Variants in APIP observed in about 807,000 individuals in gnomAD.
The protein encoded by APIP is methylthioribulose-1-phosphate dehydratase.
Under a neutral mutation model 32.0 loss-of-function variants are expected in APIP, and 32 were observed. That is an observed-to-expected ratio of 1.00 (90% confidence interval 0.76 to 1.34). APIP has a LOEUF of 1.34. Ranked by LOEUF, APIP falls within the 40% of genes most tolerant of loss-of-function variation. The probability of loss-of-function intolerance (pLI) is 0.00; values close to 1 mark genes in which losing one functional copy is unlikely to be tolerated. For synonymous variants in APIP, 92 were observed against 94.8 expected (o/e 0.97, Z 0.17); for missense variants, 247 against 298.6 (o/e 0.83, Z 1.27).
intron 1 of APIP, among the ~76,000 whole-genome samples, chr11:34,903,152 A>G (rs1453743876): frequency 1.3e-5 from 2 of 152,204 alleles, no homozygotes; most frequent in East Asian, 1.9e-4. Flanking sequence ...ATCTAAATCC[A>G]GCCACCTTCT....
chr11:34,897,625 G>C (rs1853299326), intron 1 of APIP, among the ~76,000 whole-genome samples: 1 of 151,620 alleles, frequency 6.6e-6, no homozygotes, highest in Non-Finnish European at 1.5e-5. Flanking sequence ...CAGAAAAGCA[G>C]CTTAAAGGGC....
intron 2 of APIP, among the ~76,000 whole-genome samples, chr11:34,894,515 C>G (rs2915219): frequency 0.6 from 88,945 of 148,166 alleles, 27,750 homozygotes; most frequent in East Asian, 0.74. Flanking sequence ...CAGGCGTGGT[C>G]GCACATGCCT....
intron 1 of APIP, among the ~76,000 whole-genome samples, chr11:34,901,887 C>G (rs1390878919): frequency 6.6e-6 from 1 of 152,134 alleles, no homozygotes; most frequent in Admixed American, 6.5e-5. Context: ...ACAGTATCCC[C>G]TGAGCCCAGA....
chr11:34,886,629 C>T (rs926952112), intron 5 of APIP, among the ~76,000 whole-genome samples: 2 of 152,228 alleles, frequency 1.3e-5, no homozygotes, highest in Non-Finnish European at 2.9e-5. Context: ...ACTTCCAGTT[C>T]TGCAAGCTCC....
intron 1 of APIP, among the ~76,000 whole-genome samples, chr11:34,913,365 C>G (rs771320183): frequency 2.0e-5 from 3 of 152,182 alleles, no homozygotes; most frequent in Non-Finnish European, 4.4e-5. Flanking sequence ...GTGAGTGTTA[C>G]AGTTCTTAAA....
chr11:34,892,528 GTC>G (rs35936057), intron 2 of APIP, among the ~76,000 whole-genome samples: 91,175 of 151,868 alleles, frequency 0.6, 28,399 homozygotes, highest in East Asian at 0.74. Context: ...AACAGGATCA[GTC>G]TCTCTGACAC....
intron 2 of APIP, 39 bp downstream of exon 2, chr11:34,894,971 A>G (rs1409092966): frequency 1.3e-6 from 2 of 1,547,512 alleles, no homozygotes; most frequent in East Asian, 2.2e-5. Context: ...GTCTACTCAA[A>G]TGGAGAGTTC....
At chr11:34,915,413 G>C (rs968382507) in intron 1 of APIP, among the ~76,000 whole-genome samples, 2 of 152,206 alleles carry the variant, frequency 1.3e-5, no homozygotes, top group African/African-American at 4.8e-5. Context: ...TTTTAATTAG[G>C]ATTTTCAACC....
chr11:34,896,965 A>ACAAAATGAGAT (rs1385446910), intron 1 of APIP: 24 of 407,632 alleles, frequency 5.9e-5, no homozygotes, highest in Non-Finnish European at 9.5e-5. Context: ...GTAACAGTGA[A>ACAAAATGAGAT]CAAAATGAGA....
intron 1 of APIP, among the ~76,000 whole-genome samples, chr11:34,900,226 C>T (rs1377954041): frequency 6.6e-6 from 1 of 152,180 alleles, no homozygotes; most frequent in East Asian, 1.9e-4. Context: ...GTTCTTTTAC[C>T]AGCCATGGCA....
intron 1 of APIP, among the ~76,000 whole-genome samples, chr11:34,907,712 A>G (rs1406401148): frequency 6.6e-6 from 1 of 152,210 alleles, no homozygotes; most frequent in African/African-American, 2.4e-5. Flanking sequence ...TCTGGTTTTC[A>G]GTTATAATAA....
intron 2 of APIP, among the ~76,000 whole-genome samples, chr11:34,893,732 A>T (rs1174397224): frequency 6.6e-6 from 1 of 152,214 alleles, no homozygotes; most frequent in African/African-American, 2.4e-5. Context: ...CCAATGTTCA[A>T]TGAAAATTTC....
intron 1 of APIP, among the ~76,000 whole-genome samples, chr11:34,910,069 A>G (rs1468084140): frequency 1.3e-5 from 2 of 152,208 alleles, no homozygotes; most frequent in Admixed American, 1.3e-4. Context: ...ACTACTAGAG[A>G]AACAAAGATG....
intron 2 of APIP, 142 bp from the exon 3 acceptor site, chr11:34,890,694 T>A (rs536554600): frequency 1.2e-6 from 1 of 813,098 alleles, no homozygotes; most frequent in South Asian, 2.0e-5. Context: ...TTTGGCTGCA[T>A]AGAAAGAAAG....
At chr11:34,899,551 G>A (rs1339271259) in intron 1 of APIP, among the ~76,000 whole-genome samples, 1 of 152,218 alleles carries the variant, frequency 6.6e-6, no homozygotes, top group Non-Finnish European at 1.5e-5. Flanking sequence ...AGGATATAGA[G>A]TTCAATCTAG....
At chr11:34,883,186 T>A in intron 6 of APIP, 151 bp downstream of exon 6, 1 of 832,866 alleles carries the variant, frequency 1.2e-6, no homozygotes, top group Non-Finnish European at 1.8e-6. Flanking sequence ...GCTCATCCAA[T>A]CAATACTTCT....
chr11:34,892,293 C>T (rs1160617904), intron 2 of APIP, among the ~76,000 whole-genome samples: 1 of 152,090 alleles, frequency 6.6e-6, no homozygotes, highest in African/African-American at 2.4e-5. Context: ...AAACAGAAAG[C>T]ATTTTGAATT....
intron 1 of APIP, among the ~76,000 whole-genome samples, chr11:34,899,047 C>T (rs761784240): frequency 6.6e-6 from 1 of 151,858 alleles, no homozygotes; most frequent in Non-Finnish European, 1.5e-5. Context: ...GATCCACCTG[C>T]CTCGGCCTCC....
chr11:34,890,585 T>C (rs747794341), intron 2 of APIP, 33 bp from the exon 3 acceptor site: 4 of 1,606,714 alleles, frequency 2.5e-6, no homozygotes, highest in Non-Finnish European at 2.6e-6. Flanking sequence ...TTGGTATTTA[T>C]TTATTTCCTG....
Sources: allele counts gnomAD v4.1 joint callset (sites outside exome capture counted in the v4.1 genomes callset), GRCh38; gene constraint gnomAD v4.1.1; transcripts MANE v1.5; gene names NCBI Gene and HGNC (gene_info 2026-07-23, HGNC 2026-07-21).